GRID2: variants seen among roughly 807,000 people sequenced by gnomAD.
The protein encoded by GRID2 is glutamate ionotropic receptor delta type subunit 2, also known as glutamate receptor ionotropic, delta-2.
A neutral mutation model predicts 114.8 loss-of-function variants in GRID2; 33 were observed. The observed-to-expected ratio is 0.29, with a 90% CI of 0.22 to 0.38. GRID2 has a LOEUF of 0.38. Ranked by LOEUF, GRID2 falls within the 10% of genes least tolerant of loss-of-function variation. The probability of loss-of-function intolerance (pLI) is 1.00; values close to 1 mark genes in which losing one functional copy is unlikely to be tolerated. For synonymous variants in GRID2, 505 were observed against 449.9 expected, an observed-to-expected ratio of 1.12 and a Z score of -1.55; for missense variants, 1,184 against 1,257.7, an observed-to-expected ratio of 0.94 and a Z score of 0.89.
intron 8 of GRID2, among the ~76,000 whole-genome samples, chr4:93,324,397 C>G (rs576641780): frequency 5.9e-4 from 89 of 152,032 alleles, no homozygotes; most frequent in African/African-American, 2.0e-3. Flanking sequence ...AGGGATGAAG[C>G]CAACTTCATT....
At chr4:93,325,094 G>T (rs943726532) in intron 8 of GRID2, among the ~76,000 whole-genome samples, 7 of 152,038 alleles carry the variant, frequency 4.6e-5, no homozygotes, top group African/African-American at 1.7e-4. Flanking sequence ...GAATGTGTTT[G>T]CTCTTGCTTC....
rs571269101 is a variant in GRID2, at chr4:93,293,227, T to C, written c.1245+54737T>C. 1.4e-4 allele frequency among the ~76,000 whole-genome samples: 21 copies of C among 152,250 alleles called. 1 individual carries two copies. In the South Asian group the frequency reaches 3.1e-3, roughly 23 times the overall value. ...TTCATTCAATTAACACTGGAGTCAC[T>C]AAGTCACTACTGTGCTGGTGTTCTC... is the stretch of plus-strand genomic sequence containing the variant. On this transcript the variant is annotated intron_variant, in intron 8 of 15. Coordinates refer to ENST00000282020, the MANE Select transcript of GRID2 (RefSeq NM_001510.4).
At chr4:93,094,930 A>G (rs1731073157) in intron 3 of GRID2, among the ~76,000 whole-genome samples, 1 of 152,040 alleles carries the variant, frequency 6.6e-6, no homozygotes, top group Non-Finnish European at 1.5e-5. Context: ...GGTATTTGAA[A>G]AAAGAAAAGC....
intron 2 of GRID2, among the ~76,000 whole-genome samples, chr4:93,032,330 A>T (rs965660591): frequency 3.3e-5 from 5 of 152,194 alleles, no homozygotes; most frequent in African/African-American, 1.2e-4. Flanking sequence ...GAACTGAACT[A>T]TCTAGGTTTA....
At chr4:93,409,235 A>G (rs1408147877) in intron 9 of GRID2, among the ~76,000 whole-genome samples, 1 of 152,200 alleles carries the variant, frequency 6.6e-6, no homozygotes, top group Non-Finnish European at 1.5e-5. Context: ...AAGTCACTCA[A>G]TAATGAGTCG....
At chr4:93,076,724 T>C (rs1373272332) in intron 2 of GRID2, among the ~76,000 whole-genome samples, 1 of 150,206 alleles carries the variant, frequency 6.7e-6, no homozygotes. Flanking sequence ...TTCAAGCAAT[T>C]CTCCTGCCTC....
intron 8 of GRID2, among the ~76,000 whole-genome samples, chr4:93,303,576 T>A (rs1755095820): frequency 6.6e-6 from 1 of 152,210 alleles, no homozygotes; most frequent in African/African-American, 2.4e-5. Flanking sequence ...CTTGTGGTGA[T>A]CAGGGCGCAG....
chr4:93,684,527 C>G (rs541974586), intron 14 of GRID2, among the ~76,000 whole-genome samples: 26 of 152,132 alleles, frequency 1.7e-4, no homozygotes, highest in Non-Finnish European at 3.4e-4. Flanking sequence ...AAAGAGAATG[C>G]TAAATTAATG....
At chr4:93,012,926 A>T (rs1722333064) in intron 2 of GRID2, among the ~76,000 whole-genome samples, 1 of 152,042 alleles carries the variant, frequency 6.6e-6, no homozygotes, top group Non-Finnish European at 1.5e-5. Flanking sequence ...TATATAAAAC[A>T]TTTATCATTG....
At chr4:93,172,043 C>T (rs1266487568) in intron 4 of GRID2, among the ~76,000 whole-genome samples, 1 of 152,156 alleles carries the variant, frequency 6.6e-6, no homozygotes, top group Non-Finnish European at 1.5e-5. Flanking sequence ...TATTTAATAA[C>T]AGAAATTTGG....
intron 2 of GRID2, among the ~76,000 whole-genome samples, chr4:92,738,437 A>G (rs570379560): frequency 6.6e-6 from 1 of 152,136 alleles, no homozygotes; most frequent in Non-Finnish European, 1.5e-5. Context: ...CAGTCCTTCC[A>G]TTTGTTTTAA....
chr4:93,189,169 C>T (rs1190718963), intron 4 of GRID2, among the ~76,000 whole-genome samples: 1 of 152,086 alleles, frequency 6.6e-6, no homozygotes, highest in Non-Finnish European at 1.5e-5. Context: ...TTTTGGGTAC[C>T]AAATTCTGTG....
chr4:92,451,475 C>T (rs1435450239), intron 1 of GRID2, among the ~76,000 whole-genome samples: 1 of 152,122 alleles, frequency 6.6e-6, no homozygotes, highest in Non-Finnish European at 1.5e-5. Flanking sequence ...AAATCACTTA[C>T]AACATGCAGA....
At chr4:93,555,492 G>A (rs1212557444) in intron 13 of GRID2, among the ~76,000 whole-genome samples, 1 of 152,162 alleles carries the variant, frequency 6.6e-6, no homozygotes, top group Admixed American at 6.5e-5. Flanking sequence ...AAAGCTTCCT[G>A]GAAGTTCGAA....
chr4:92,801,416 C>T (rs1740164558), intron 2 of GRID2, among the ~76,000 whole-genome samples: 1 of 151,904 alleles, frequency 6.6e-6, no homozygotes, highest in Non-Finnish European at 1.5e-5. Context: ...ACCCTTTACG[C>T]TTCTCTCTTC....
intron 2 of GRID2, among the ~76,000 whole-genome samples, chr4:92,615,060 C>A (rs1418199914): frequency 6.6e-6 from 1 of 151,240 alleles, no homozygotes; most frequent in Non-Finnish European, 1.5e-5. Flanking sequence ...GTGGCTTAAA[C>A]AATAGTAATA....
intron 2 of GRID2, among the ~76,000 whole-genome samples, chr4:92,920,130 T>C (rs1454406157): frequency 6.6e-6 from 1 of 152,206 alleles, no homozygotes; most frequent in Non-Finnish European, 1.5e-5. Context: ...TTGATCTTTG[T>C]TGGTTTAAAG....
intron 8 of GRID2, among the ~76,000 whole-genome samples, chr4:93,321,093 G>T (rs545395301): frequency 6.6e-6 from 1 of 152,068 alleles, no homozygotes; most frequent in East Asian, 1.9e-4. Flanking sequence ...ATAATTGAAG[G>T]TAAACTCTCC....
chr4:92,538,329 C>A (rs1357770368), intron 1 of GRID2, among the ~76,000 whole-genome samples: 1 of 152,164 alleles, frequency 6.6e-6, no homozygotes, highest in Non-Finnish European at 1.5e-5. Flanking sequence ...CAAATTTCAT[C>A]ATTGCCTGAT....
Sources: gnomAD v4.1 joint callset for allele counts (sites outside exome capture counted in the v4.1 genomes callset) on GRCh38, gnomAD v4.1.1 for gene constraint, MANE v1.5 for transcripts, NCBI Gene and HGNC (gene_info 2026-07-23, HGNC 2026-07-21) for gene names.